PPARG: variants seen among roughly 807,000 people sequenced by gnomAD.
The protein encoded by PPARG is peroxisome proliferator-activated receptor gamma.
PPARG carries 17 observed loss-of-function variants against 39.2 expected under a neutral mutation model. The observed-to-expected ratio is 0.43, with a 90% confidence interval of 0.30 to 0.65. PPARG has a LOEUF of 0.65. Among genes scored for constraint, PPARG ranks in the 30% least tolerant of loss-of-function variants. The pLI is 0.13. For synonymous variants in PPARG, 223 were observed against 215.7 expected, an observed-to-expected ratio of 1.03 and a Z score of -0.30; for missense variants, 406 against 585.9, an observed-to-expected ratio of 0.69 and a Z score of 3.17.
chr3:12,304,598 C>A (rs2047012206), intron 1 of PPARG, among the ~76,000 whole-genome samples: 1 of 152,100 alleles, frequency 6.6e-6, no homozygotes, highest in African/African-American at 2.4e-5. Context: ...TTAAAATAGC[C>A]AATTTTCATT....
chr3:12,388,819 C>T (rs1031981730), intron 4 of PPARG, among the ~76,000 whole-genome samples: 19 of 151,868 alleles, frequency 1.3e-4, no homozygotes, highest in Admixed American at 1.1e-3. Flanking sequence ...TTAGGAATAA[C>T]CAGGATGATT....
At chr3:12,300,620 A>G (rs1559484465) in intron 1 of PPARG, among the ~76,000 whole-genome samples, 2 of 152,070 alleles carry the variant, frequency 1.3e-5, no homozygotes, top group Non-Finnish European at 1.5e-5. Flanking sequence ...CAGCTTTTGA[A>G]TTCAGAAAAT....
chr3:12,432,992 G>T (rs987249722), intron 7 of PPARG, among the ~76,000 whole-genome samples: 1 of 152,146 alleles, frequency 6.6e-6, no homozygotes, highest in South Asian at 2.1e-4. Context: ...AAAATCTAAA[G>T]AAGAACTAGT....
At chr3:12,363,976 A>G (rs1220450893) in intron 2 of PPARG, among the ~76,000 whole-genome samples, 3 of 151,460 alleles carry the variant, frequency 2.0e-5, no homozygotes, top group Admixed American at 1.3e-4. Flanking sequence ...CCTGTCCCCC[A>G]CCACGCACAA....
intron 2 of PPARG, among the ~76,000 whole-genome samples, chr3:12,322,138 G>T (rs12493718): frequency 0.25 from 38,263 of 152,090 alleles, 4,936 homozygotes; most frequent in East Asian, 0.33. Flanking sequence ...ATACTGAAAA[G>T]GAATCCATAA....
At chr3:12,293,478 G>T (rs1208262647) in intron 1 of PPARG, among the ~76,000 whole-genome samples, 5 of 152,118 alleles carry the variant, frequency 3.3e-5, no homozygotes, top group Non-Finnish European at 5.9e-5. Context: ...GAAGTCCTTC[G>T]CAGTTTGCCA....
chr3:12,307,135 A>ATTTT (rs2047092740), intron 1 of PPARG, among the ~76,000 whole-genome samples: 3 of 130,000 alleles, frequency 2.3e-5, no homozygotes, highest in Admixed American at 7.9e-5. Flanking sequence ...CTGTTAGGAA[A>ATTTT]TTCTTTTTTT....
At chr3:12,311,304 G>A (rs2047236997) in intron 1 of PPARG, among the ~76,000 whole-genome samples, 1 of 151,984 alleles carries the variant, frequency 6.6e-6, no homozygotes, top group Non-Finnish European at 1.5e-5. Context: ...GGATTTCGCT[G>A]TGGTGCTCAG....
At chr3:12,300,905 TTTTA>T in intron 1 of PPARG, among the ~76,000 whole-genome samples, 1 of 152,338 alleles carries the variant, frequency 6.6e-6, no homozygotes, top group East Asian at 1.9e-4. Context: ...TATATACACT[TTTTA>T]ATACTTTTCA....
intron 7 of PPARG, among the ~76,000 whole-genome samples, chr3:12,431,895 A>G (rs1189608215): frequency 6.6e-6 from 1 of 152,172 alleles, no homozygotes; most frequent in African/African-American, 2.4e-5. Context: ...AGCCATGATC[A>G]TGCCACTGCA....
chr3:12,400,631 C>T (rs991726753), intron 5 of PPARG, among the ~76,000 whole-genome samples: 3 of 152,286 alleles, frequency 2.0e-5, no homozygotes, highest in African/African-American at 7.2e-5. Flanking sequence ...TGCCAGTGTT[C>T]TGGAAGTTGC....
At chr3:12,374,423 A>C (rs2049332097) in intron 2 of PPARG, among the ~76,000 whole-genome samples, 1 of 151,860 alleles carries the variant, frequency 6.6e-6, no homozygotes, top group South Asian at 2.1e-4. Flanking sequence ...ACATAGTGAA[A>C]CCCCTTCTCT....
At chr3:12,370,857 G>A (rs1276644264) in intron 2 of PPARG, among the ~76,000 whole-genome samples, 1 of 152,196 alleles carries the variant, frequency 6.6e-6, no homozygotes, top group Non-Finnish European at 1.5e-5. Flanking sequence ...TTTCCTGGCT[G>A]CTAAAGAGCA....
chr3:12,315,818 G>T (rs2047373600), intron 2 of PPARG, among the ~76,000 whole-genome samples: 1 of 152,134 alleles, frequency 6.6e-6, no homozygotes, highest in Admixed American at 6.5e-5. Context: ...CATCTTAGCA[G>T]TGTTTTTTGT....
At chr3:12,348,984 T>C (rs1261048276) in intron 2 of PPARG, among the ~76,000 whole-genome samples, 3 of 152,232 alleles carry the variant, frequency 2.0e-5, no homozygotes, top group Non-Finnish European at 2.9e-5. Context: ...CGTGCATGTC[T>C]TATAAATTCT....
intron 6 of PPARG, among the ~76,000 whole-genome samples, chr3:12,414,956 C>A (rs965866442): frequency 1.7e-4 from 26 of 152,310 alleles, no homozygotes; most frequent in African/African-American, 6.3e-4. Flanking sequence ...TATTTAATAT[C>A]TGAGACTCCT....
intron 2 of PPARG, among the ~76,000 whole-genome samples, chr3:12,349,358 G>A (rs1428586417): frequency 1.3e-5 from 2 of 152,136 alleles, no homozygotes; most frequent in East Asian, 1.9e-4. Context: ...GTCCATGTAA[G>A]CAAGTTATTT....
intron 2 of PPARG, among the ~76,000 whole-genome samples, chr3:12,374,925 T>G (rs910040337): frequency 6.6e-6 from 1 of 152,248 alleles, no homozygotes; most frequent in African/African-American, 2.4e-5. Context: ...AGCCATGAGA[T>G]GTACTACAAG....
chr3:12,340,885 C>T (rs185408136), intron 2 of PPARG, among the ~76,000 whole-genome samples: 3 of 152,142 alleles, frequency 2.0e-5, no homozygotes, highest in Admixed American at 6.5e-5. Flanking sequence ...TTTGTATATG[C>T]AATAAAAAGG....
Sources: gnomAD v4.1 joint callset for allele counts (sites outside exome capture counted in the v4.1 genomes callset) on GRCh38, gnomAD v4.1.1 for gene constraint, MANE v1.5 for transcripts, NCBI Gene and HGNC (gene_info 2026-07-23, HGNC 2026-07-21) for gene names.